FAXDC2: variants seen among roughly 807,000 people sequenced by gnomAD.
FAXDC2 encodes fatty acid hydroxylase domain containing 2.
FAXDC2 carries 41 observed loss-of-function variants against 40.9 expected under a neutral mutation model. That is an observed-to-expected ratio of 1.00 (90% CI 0.78 to 1.30). FAXDC2 has a LOEUF of 1.30. FAXDC2 is among the 50% of genes most tolerant of loss of function. The pLI is 0.00. For synonymous variants in FAXDC2, 157 were observed against 149.3 expected (o/e 1.05, Z -0.38); for missense variants, 390 against 408.8 (o/e 0.95, Z 0.40).
At chr5:154,824,546 G>T in intron 5 of FAXDC2, 2 of 702,612 alleles carry the variant, frequency 2.8e-6, no homozygotes, top group Non-Finnish European at 5.2e-6. Flanking sequence ...TGCGAGGCCA[G>T]GTCTCGCCAG....
chr5:154,823,312 C>T, intron 6 of FAXDC2, 75 bp downstream of exon 6: 1 of 1,392,498 alleles, frequency 7.2e-7, no homozygotes, highest in Non-Finnish European at 1.0e-6. Flanking sequence ...CTGCACCTGG[C>T]CTCAGTTTCC....
intron 2 of FAXDC2, among the ~76,000 whole-genome samples, chr5:154,836,731 A>G (rs1402399156): frequency 1.3e-5 from 2 of 151,924 alleles, no homozygotes; most frequent in African/African-American, 4.8e-5. Context: ...GCTCACTGCA[A>G]TCTCCACCTT....
chr5:154,844,140 C>G lies in FAXDC2; in HGVS notation c.1-5962G>C, dbSNP rs184428862. On this transcript the variant is annotated intron_variant, in intron 1 of 8. Transcript: ENST00000326080. ...GGCTGAGACAGGAAAATTGCTTGAA[C>G]CCAGGAGGTGGAGTCTGTAGTGAGT... is the stretch of plus-strand genomic sequence containing the variant. Among the ~76,000 whole-genome samples the G allele has an allele frequency of 2.9e-3, 435 of 152,100 alleles. 4 individuals carry two copies. Among genetic ancestry groups the G allele is most frequent in the African/African-American group, 9.9e-3 (409 of 41,518 alleles).
intron 5 of FAXDC2, chr5:154,829,560 T>G (rs995790471): frequency 1.3e-5 from 2 of 154,422 alleles, no homozygotes; most frequent in South Asian, 2.0e-4. Flanking sequence ...AACCTCAGCT[T>G]CTGCAGAATG....
At chr5:154,831,398 G>A (rs1383103228) in intron 4 of FAXDC2, 1 of 154,038 alleles carries the variant, frequency 6.5e-6, no homozygotes, top group African/African-American at 2.4e-5. Flanking sequence ...AACTTCAGGT[G>A]TCATCTAGTC....
chr5:154,849,237 G>A (rs1004616024), intron 1 of FAXDC2, among the ~76,000 whole-genome samples: 4 of 152,146 alleles, frequency 2.6e-5, no homozygotes, highest in East Asian at 1.9e-4. Flanking sequence ...CTGAAATCGC[G>A]CCACTGTACT....
intron 5 of FAXDC2, chr5:154,824,107 T>A (rs1759959385): frequency 4.1e-6 from 1 of 246,844 alleles, no homozygotes; most frequent in Non-Finnish European, 7.9e-6. Context: ...GCCAAGGAAC[T>A]GCTTATCCAG....
intron 1 of FAXDC2, among the ~76,000 whole-genome samples, chr5:154,849,704 C>T (rs553851315): frequency 1.2e-4 from 18 of 152,248 alleles, no homozygotes; most frequent in African/African-American, 4.1e-4. Flanking sequence ...CTGTATATCC[C>T]ACTCAAAGAA....
In FAXDC2 at chr5:154,834,628, T is replaced by C; in HGVS notation, c.241A>G (p.Ile81Val). 6.2e-7 allele frequency: 1 copy of C among 1,610,446 alleles called. No homozygotes were observed. Among genetic ancestry groups the C allele is most frequent in the Non-Finnish European group, 8.5e-7 (1 of 1,176,740 alleles). ...FEGKEWILFF[I>V]GAIQVPCLFF... ...GCTGGTGGTCTGGGAACCTCACCTATAAAGAAGAGGATCCACTCCTTCCCT... is the reference window on the plus strand; with the variant it reads ...GCTGGTGGTCTGGGAACCTCACCTACAAAGAAGAGGATCCACTCCTTCCCT... Residue 81 changes from isoleucine (I) to valine (V), a missense_variant, in exon 4 of 9, where the codon ATA becomes GTA. Physicochemically the swap from Ile to Val is conservative, Grantham distance 29. Transcript: ENST00000326080.
chr5:154,822,494 T>TAG lies in FAXDC2; in HGVS notation c.654_655dup (p.Tyr219SerfsTer6). ...CACTGCATGCTCTATAGGGTGGGCATAGAGAGAGATCACGCCAATGGGAGC... is the reference window on the plus strand; with the variant it reads ...CACTGCATGCTCTATAGGGTGGGCATAGAGAGAGAGATCACGCCAATGGGAGC... On this transcript the variant is annotated frameshift_variant, in exon 7 of 9. Transcript: ENST00000326080. LOFTEE classifies it high-confidence loss of function. 6.2e-7 allele frequency: 1 copy of TAG among 1,613,750 alleles called. No homozygotes were observed. The highest frequency in any genetic ancestry group is 8.5e-7 in the Non-Finnish European group (1 of 1,179,730).
rs887953506 is a variant in FAXDC2 at position 154,821,195 on chromosome 5, A to G, written c.845+65T>C. The G allele has an allele frequency of 5.7e-5, 77 of 1,344,128 alleles. 1 individual carries two copies. Among genetic ancestry groups the G allele is most frequent in the Non-Finnish European group, 7.9e-5 (76 of 957,036 alleles). The allele number at this position is 1,344,128 out of a possible 1,614,324, so 83.3% of individuals were successfully genotyped here. A position where few individuals can be genotyped will look rare whatever the true frequency, so the allele number is the denominator to read the frequency against. On this transcript the variant is annotated intron_variant, in intron 8 of 8. Transcript: ENST00000326080. The stretch of plus-strand genomic sequence containing the variant: ...AACTGAGATACCAGTGCCTGCTATC[A>G]GAAGCTTAAGGAGGGAGGGTGATGG...
At chr5:154,845,086 C>T (rs546755561) in intron 1 of FAXDC2, among the ~76,000 whole-genome samples, 16 of 152,326 alleles carry the variant, frequency 1.1e-4, no homozygotes, top group African/African-American at 2.2e-4. Context: ...TCTTTAGTTA[C>T]GCCAATATGG....
chr5:154,846,934 G>T (rs1306362212), intron 1 of FAXDC2, among the ~76,000 whole-genome samples: 1 of 143,518 alleles, frequency 7.0e-6, no homozygotes, highest in Non-Finnish European at 1.5e-5. Context: ...TTTTTTGTTT[G>T]TTTTTTTTTT....
At chr5:154,836,719 C>T (rs146288047) in intron 2 of FAXDC2, among the ~76,000 whole-genome samples, 11 of 152,110 alleles carry the variant, frequency 7.2e-5, no homozygotes, top group South Asian at 2.1e-4. Flanking sequence ...GGTGCAGTCT[C>T]GGCTCACTGC....
intron 5 of FAXDC2, among the ~76,000 whole-genome samples, chr5:154,828,922 CT>C (rs374113320): frequency 0.59 from 77,657 of 132,398 alleles, 22,640 homozygotes; most frequent in Middle Eastern, 0.67. Context: ...TTCTTTTTTT[CT>C]TTTTTTTTTT....
intron 5 of FAXDC2, among the ~76,000 whole-genome samples, chr5:154,828,072 A>G (rs74938453): frequency 0.021 from 2,997 of 145,988 alleles, 39 homozygotes; most frequent in Non-Finnish European, 0.03. Context: ...CTGGTCTCGA[A>G]CTCCTGGGCT....
chr5:154,834,820 C>G, intron 3 of FAXDC2, 23 bp downstream of exon 3: 1 of 1,602,932 alleles, frequency 6.2e-7, no homozygotes, highest in South Asian at 1.1e-5. Context: ...ACACTGCACC[C>G]TAGCTGGGTG....
chr5:154,823,417 A>T lies in FAXDC2; in HGVS notation c.542T>A (p.Ile181Asn), dbSNP rs201752133. 118 of 1,613,822 alleles carry T rather than the reference A, an allele frequency of 7.3e-5. No homozygotes were observed. Among genetic ancestry groups the T allele is most frequent in the Non-Finnish European group, 1.1e-5 (13 of 1,180,038 alleles). The change falls in exon 6 of 9, where the codon ATC (isoleucine) becomes AAC (asparagine). Residue 181 changes from isoleucine to asparagine, a missense_variant. Ile to Asn is a moderately radical substitution (Grantham distance 149, BLOSUM62 -3). Transcript: ENST00000326080. ...TGAATAGTAGAACAAGACTTCCTCG[A>T]TCAGCGTGAAGATGGCCAGCTCCAG... ...FLLELAIFTL[I>N]EEVLFYYSHR...
intron 6 of FAXDC2, chr5:154,823,177 A>G (rs1759930858): frequency 3.6e-6 from 2 of 548,938 alleles, no homozygotes; most frequent in African/African-American, 3.8e-5. Context: ...ATGCCTGGCT[A>G]ATTTTTTAAA....
Sources: gnomAD v4.1 joint callset for allele counts (sites outside exome capture counted in the v4.1 genomes callset) on GRCh38, gnomAD v4.1.1 for gene constraint, MANE v1.5 for transcripts, NCBI Gene and HGNC (gene_info 2026-07-23, HGNC 2026-07-21) for gene names.